Variants in FBXO15 observed in about 807,000 individuals in gnomAD.
The protein encoded by FBXO15 is F-box only protein 15.
FBXO15 carries 30 observed loss-of-function variants against 49.5 expected under a neutral mutation model. That is an observed-to-expected ratio of 0.61 (90% confidence interval 0.45 to 0.82). The LOEUF (loss-of-function observed/expected upper bound fraction) is 0.82. Ranked by LOEUF, FBXO15 falls within the 40% of genes least tolerant of loss-of-function variation. The pLI is 0.00. For synonymous variants in FBXO15, 250 were observed against 232.7 expected (o/e 1.07, Z -0.68); for missense variants, 591 against 631.5 (o/e 0.94, Z 0.69).
intron 8 of FBXO15, among the ~76,000 whole-genome samples, chr18:74,093,265 G>A (rs73969109): frequency 2.3e-4 from 30 of 130,126 alleles, no homozygotes; most frequent in African/African-American, 8.0e-4. Flanking sequence ...CAAAACAATG[G>A]GGGGGGGGTG....
At chr18:74,123,109 G>A (rs2145188346) in intron 8 of FBXO15, 1 of 367,080 alleles carries the variant, frequency 2.7e-6, no homozygotes, top group Middle Eastern at 7.1e-4. Context: ...GGAAGCATCA[G>A]TAGAGAAGAT....
chr18:74,117,747 T>G (rs1291898448), intron 8 of FBXO15, among the ~76,000 whole-genome samples: 5 of 152,058 alleles, frequency 3.3e-5, no homozygotes, highest in African/African-American at 9.7e-5. Context: ...CTATAATGAG[T>G]GCTCAAAAAT....
intron 8 of FBXO15, among the ~76,000 whole-genome samples, chr18:74,086,522 G>C (rs773794680): frequency 6.6e-6 from 1 of 152,036 alleles, no homozygotes; most frequent in African/African-American, 2.4e-5. Flanking sequence ...TCTGCCTCCT[G>C]GGTTCAGCCC....
intron 9 of FBXO15, among the ~76,000 whole-genome samples, chr18:74,080,942 A>C (rs1912467009): frequency 6.6e-6 from 1 of 152,196 alleles, no homozygotes; most frequent in African/African-American, 2.4e-5. Context: ...TTTTGACGTG[A>C]ATATTTTATC....
chr18:74,110,439 T>C (rs1388046406), intron 8 of FBXO15, among the ~76,000 whole-genome samples: 1 of 151,762 alleles, frequency 6.6e-6, no homozygotes, highest in Non-Finnish European at 1.5e-5. Context: ...AATGGAATCA[T>C]ATAAAATGCT....
chr18:74,100,426 G>GA lies in FBXO15; in HGVS notation c.1139-18376dup, dbSNP rs529674198. 2.6e-5 allele frequency among the ~76,000 whole-genome samples: 4 copies of GA among 152,162 alleles called. No individual in the cohort carries two copies. The South Asian group carries it at 6.2e-4, about 24-fold the overall frequency. On this transcript the variant is annotated intron_variant, in intron 8 of 9. Transcript: ENST00000419743. Reference sequence around the variant, plus strand: ...GATACAGCAAAAGTGGTGCTAAGAGGAAAGTTCATAGCCCTAAATCCCTAC... The same window carrying GA: ...GATACAGCAAAAGTGGTGCTAAGAGGAAAAGTTCATAGCCCTAAATCCCTAC...
intron 4 of FBXO15, among the ~76,000 whole-genome samples, chr18:74,129,970 C>T (rs553460722): frequency 3.9e-5 from 6 of 152,222 alleles, no homozygotes; most frequent in East Asian, 1.9e-4. Flanking sequence ...CCTCTGTCTC[C>T]GCAAGAAATT....
At position 74,085,125 on chromosome 18, in the gene FBXO15, A is replaced by T. The variant is rs544899205; in HGVS notation, c.1139-3074T>A. On this transcript the variant is annotated intron_variant, in intron 8 of 9. Coordinates refer to ENST00000419743, the MANE Select transcript of FBXO15 (RefSeq NM_001142958.2). ...ATAATCCCAATAGGTACTTCAGAAA[A>T]TGGTTTATAAATAATTAATACTTAT... Among the ~76,000 whole-genome samples, 842 of 152,194 alleles carry T rather than the reference A, an allele frequency of 5.5e-3. 7 individuals carry two copies. Among genetic ancestry groups the T allele is most frequent in the African/African-American group, 0.02 (810 of 41,486 alleles).
intron 1 of FBXO15, 41 bp downstream of exon 1, chr18:74,147,629 G>A: frequency 7.3e-7 from 1 of 1,375,646 alleles, no homozygotes; most frequent in South Asian, 1.7e-5. Context: ...GCAGTGACGG[G>A]CTTCCCGCCA....
chr18:74,084,368 A>T (rs1912636057), intron 8 of FBXO15, among the ~76,000 whole-genome samples: 1 of 152,234 alleles, frequency 6.6e-6, no homozygotes, highest in Non-Finnish European at 1.5e-5. Context: ...GGAGTCGGAA[A>T]TGAGCATGAG....
intron 8 of FBXO15, among the ~76,000 whole-genome samples, chr18:74,101,843 C>A (rs1414038966): frequency 1.3e-5 from 2 of 152,068 alleles, no homozygotes; most frequent in Non-Finnish European, 2.9e-5. Flanking sequence ...TTGAACAAAG[C>A]AAACAAAAAC....
In FBXO15 at chr18:74,147,785, TAGAGACAAGGAGTTC is replaced by T; in HGVS notation, c.-15_-1del. ...AAGATCCGACCGCGTCCAGTCGCCA[TAGAGACAAGGAGTTC>T]ACCACAGGACCGCGCCAGGGCTGAA... On this transcript the variant is annotated 5_prime_UTR_variant, in exon 1 of 10. Transcript: ENST00000419743. 6.5e-7 allele frequency: 1 copy of T among 1,532,368 alleles called. No homozygotes were observed. Among genetic ancestry groups the T allele is most frequent in the Non-Finnish European group, 8.8e-7 (1 of 1,141,768 alleles). 94.9% of individuals were successfully genotyped at this position (1,532,368 alleles called of 1,614,324 possible). A position where few individuals can be genotyped will look rare whatever the true frequency, so the allele number is the denominator to read the frequency against.
intron 8 of FBXO15, among the ~76,000 whole-genome samples, chr18:74,115,052 GAGGACCTACGGTCCTCCT>G (rs1351690707): frequency 6.6e-6 from 1 of 152,294 alleles, no homozygotes; most frequent in African/African-American, 2.4e-5. Flanking sequence ...TATGGAATTA[GAGGACCTACGGTCCTCCT>G]AACCACGCCA....
chr18:74,078,256 G>A (rs1262996651), intron 9 of FBXO15, among the ~76,000 whole-genome samples: 4 of 152,090 alleles, frequency 2.6e-5, no homozygotes, highest in South Asian at 2.1e-4. Context: ...CCTAGCACAC[G>A]ATAGGCACAT....
chr18:74,077,326 G>A (rs1224066516), intron 9 of FBXO15, among the ~76,000 whole-genome samples: 4 of 152,160 alleles, frequency 2.6e-5, no homozygotes, highest in Non-Finnish European at 5.9e-5. Context: ...TGCATCAGGG[G>A]CAGCAAACAC....
intron 8 of FBXO15, among the ~76,000 whole-genome samples, chr18:74,109,183 A>T (rs908502991): frequency 6.6e-6 from 1 of 152,234 alleles, no homozygotes. Flanking sequence ...ATATGAACAG[A>T]CACTTCTCAA....
chr18:74,145,594 C>CTTTTTTTTTTTTTT lies in FBXO15; in HGVS notation c.116+2062_116+2075dup, dbSNP rs760823560. Reference sequence around the variant, plus strand: ...TTATCCATAAAATAAACCAACTGCACTTTTTTTTTTTTTTTTTTTTTGCGA... The same window carrying CTTTTTTTTTTTTTT: ...TTATCCATAAAATAAACCAACTGCACTTTTTTTTTTTTTTTTTTTTTTTTTTTTTTTTTTTGCGA... On this transcript the variant is annotated intron_variant, in intron 1 of 9. Coordinates refer to ENST00000419743, the MANE Select transcript of FBXO15 (RefSeq NM_001142958.2). 1.0e-4 allele frequency among the ~76,000 whole-genome samples: 10 copies of CTTTTTTTTTTTTTT among 96,370 alleles called. 2 individuals carry two copies. Among genetic ancestry groups the CTTTTTTTTTTTTTT allele is most frequent in the African/African-American group, 3.9e-4 (8 of 20,254 alleles). 63.2% of individuals were successfully genotyped at this position (96,370 alleles called of 152,430 possible).
chr18:74,139,788 T>C lies in FBXO15; in HGVS notation c.227+414A>G, dbSNP rs188487252. ...TTTTTAAAGCTTCTGTGGATCTTGG[T>C]GCTGAGGGTCACAGCACAGAATCTT... is the stretch of plus-strand genomic sequence containing the variant. On this transcript the variant is annotated intron_variant, in intron 2 of 9. Coordinates refer to ENST00000419743, the MANE Select transcript of FBXO15 (RefSeq NM_001142958.2). Among the ~76,000 whole-genome samples, 845 of 152,348 alleles carry C rather than the reference T, an allele frequency of 5.5e-3. 8 individuals carry two copies. Among genetic ancestry groups the C allele is most frequent in the African/African-American group, 0.02 (814 of 41,578 alleles).
intron 8 of FBXO15, among the ~76,000 whole-genome samples, chr18:74,108,443 G>C (rs970618730): frequency 7.3e-5 from 11 of 151,300 alleles, no homozygotes; most frequent in African/African-American, 2.7e-4. Flanking sequence ...GTAGGCTAGA[G>C]CTGAGTAAAT....
Sources: gnomAD v4.1 joint callset for allele counts (sites outside exome capture counted in the v4.1 genomes callset) on GRCh38, gnomAD v4.1.1 for gene constraint, MANE v1.5 for transcripts, NCBI Gene and HGNC (gene_info 2026-07-23, HGNC 2026-07-21) for gene names.